The following ANO6 variants were observed in gnomAD, a reference collection of about 807,000 sequenced individuals.
The protein encoded by ANO6 is anoctamin 6.
Under a neutral mutation model 117.5 loss-of-function variants are expected in ANO6, and 106 were observed. That is an observed-to-expected ratio of 0.90 (90% confidence interval 0.77 to 1.06). The LOEUF (loss-of-function observed/expected upper bound fraction) is 1.06, where lower values mean the gene tolerates loss of function less well. Among genes scored for constraint, ANO6 ranks in the 50% least tolerant of loss-of-function variants. The probability of loss-of-function intolerance (pLI) is 0.00; values close to 1 mark genes in which losing one functional copy is unlikely to be tolerated. For missense variants in ANO6, 955 were observed against 1,121.1 expected (o/e 0.85, Z 2.12); for synonymous variants, 367 against 385.1 (o/e 0.95, Z 0.55).
rs560764644 is a variant in ANO6, at chr12:45,283,929, G to T, written c.71-18085G>T. On this transcript the variant is annotated intron_variant, in intron 1 of 19. Transcript: ENST00000320560. Reference sequence around the variant, plus strand: ...GCATCCATAAGGACATGGTTTAGGGGTGTCAAGGCCAAAGGAAAACTTCCC... The same window carrying T: ...GCATCCATAAGGACATGGTTTAGGGTTGTCAAGGCCAAAGGAAAACTTCCC... 8.7e-4 allele frequency among the ~76,000 whole-genome samples: 133 copies of T among 152,292 alleles called. 1 individual carries two copies. Among genetic ancestry groups the T allele is most frequent in the Admixed American group, 5.2e-4 (8 of 15,308 alleles).
chr12:45,239,024 A>T lies in ANO6; in HGVS notation c.70+22633A>T, dbSNP rs1439329734. 3.9e-5 allele frequency among the ~76,000 whole-genome samples: 6 copies of T among 152,322 alleles called. No homozygotes were observed. In the South Asian group the frequency reaches 1.0e-3, roughly 26 times the overall value. On this transcript the variant is annotated intron_variant, in intron 1 of 19. Transcript: ENST00000320560. ...TCTCTTTCTTTCTTGTATATCTGCCAGGCTTTGGTATCAGGATGATGCTGG... is the reference window on the plus strand; with the variant it reads ...TCTCTTTCTTTCTTGTATATCTGCCTGGCTTTGGTATCAGGATGATGCTGG...
At chr12:45,251,510 C>T (rs1024271191) in intron 1 of ANO6, among the ~76,000 whole-genome samples, 16 of 152,282 alleles carry the variant, frequency 1.1e-4, no homozygotes, top group Admixed American at 2.0e-4. Flanking sequence ...TCAGATGGGG[C>T]TGTACATTGG....
chr12:45,313,149 C>T (rs1033684083), intron 2 of ANO6: 1 of 152,018 alleles, frequency 6.6e-6, no homozygotes, highest in South Asian at 2.1e-4. Flanking sequence ...TGAGGTACTT[C>T]TGAGACTTTG....
In ANO6 at chr12:45,409,369, T is replaced by TC; in HGVS notation, c.1894dup (p.Leu632ProfsTer35). ...TTCTTTTTGGCAGCTGGATCATGAA[T>TC]CTAATTGGGCGATTTCACAGAGTTT... On this transcript the variant is annotated frameshift_variant, in exon 16 of 20. Coordinates refer to ENST00000320560, the MANE Select transcript of ANO6 (RefSeq NM_001025356.3). LOFTEE classifies it high-confidence loss of function. 2 of 1,614,008 alleles carry TC rather than the reference T, an allele frequency of 1.2e-6. No homozygotes were observed. The highest frequency in any genetic ancestry group is 1.7e-6 in the Non-Finnish European group (2 of 1,179,918).
chr12:45,406,295 A>G (rs1474142540), intron 15 of ANO6, among the ~76,000 whole-genome samples: 1 of 152,246 alleles, frequency 6.6e-6, no homozygotes, highest in Non-Finnish European at 1.5e-5. Flanking sequence ...TGAGACCCGG[A>G]GAGCAAGCTC....
intron 1 of ANO6, among the ~76,000 whole-genome samples, chr12:45,253,563 C>T (rs1435137189): frequency 6.6e-6 from 1 of 152,108 alleles, no homozygotes; most frequent in Admixed American, 6.5e-5. Context: ...TTCAAATGAA[C>T]AACCTCTTAC....
chr12:45,229,393 T>TG (rs1947538423), intron 1 of ANO6, among the ~76,000 whole-genome samples: 1 of 144,444 alleles, frequency 6.9e-6, no homozygotes, highest in South Asian at 2.2e-4. Context: ...ATTTTTAGTT[T>TG]TTTTTTTTTT....
chr12:45,228,404 G>T, intron 1 of ANO6: 1 of 232,224 alleles, frequency 4.3e-6, no homozygotes, highest in South Asian at 4.5e-5. Context: ...CTCTCAAAGT[G>T]CTGAGATTAC....
intron 1 of ANO6, among the ~76,000 whole-genome samples, chr12:45,225,827 A>C (rs1046413338): frequency 2.0e-5 from 3 of 152,190 alleles, no homozygotes; most frequent in Non-Finnish European, 2.9e-5. Context: ...AAGCTGTCTG[A>C]TTATAATGAA....
At chr12:45,264,428 C>G (rs1938147874) in intron 1 of ANO6, among the ~76,000 whole-genome samples, 1 of 152,122 alleles carries the variant, frequency 6.6e-6, no homozygotes, top group Non-Finnish European at 1.5e-5. Context: ...TCTGTTGACT[C>G]TGGTAAAAGT....
intron 1 of ANO6, among the ~76,000 whole-genome samples, chr12:45,270,140 G>A (rs1565656133): frequency 6.6e-6 from 1 of 152,224 alleles, no homozygotes; most frequent in African/African-American, 2.4e-5. Flanking sequence ...AGCCCTGGCT[G>A]CAGATTAGCA....
intron 7 of ANO6, among the ~76,000 whole-genome samples, chr12:45,354,570 G>C (rs775718438): frequency 3.3e-5 from 5 of 152,118 alleles, no homozygotes; most frequent in Non-Finnish European, 5.9e-5. Flanking sequence ...CAAGGTTGGA[G>C]GAGGTCTGAG....
chr12:45,242,456 A>G (rs922711108), intron 1 of ANO6, among the ~76,000 whole-genome samples: 3 of 152,254 alleles, frequency 2.0e-5, no homozygotes, highest in African/African-American at 2.4e-5. Flanking sequence ...TGGAGTGTCC[A>G]GTTTTTCCAG....
chr12:45,406,354 G>A (rs1942934839), intron 15 of ANO6, among the ~76,000 whole-genome samples: 2 of 152,194 alleles, frequency 1.3e-5, no homozygotes, highest in Non-Finnish European at 1.5e-5. Context: ...GATATTTAAG[G>A]TATTCCTGGG....
At position 45,401,836 on chromosome 12, in the gene ANO6, T is replaced by C. The variant is rs1942796658; in HGVS notation, c.1428T>C (p.Tyr476=). The change falls in exon 13 of 20, where the codon TAT becomes TAC. Residue 476 remains tyrosine (Y), a synonymous_variant. Coordinates refer to ENST00000320560, the MANE Select transcript of ANO6 (RefSeq NM_001025356.3). ...CTTCAGTTATTGGGATCATTGTCTA[T>C]AGGCTCTCGGTGTTCATTGTATTTT... The part of the protein sequence containing the change: ...IIASVIGIIV[Y]RLSVFIVFSA... 1 of 1,614,072 alleles carries C rather than the reference T, an allele frequency of 6.2e-7. No individual in the cohort carries two copies. The highest frequency in any genetic ancestry group is 8.5e-7 in the Non-Finnish European group (1 of 1,180,006).
intron 1 of ANO6, among the ~76,000 whole-genome samples, chr12:45,253,154 G>T (rs189849098): frequency 9.8e-5 from 15 of 152,324 alleles, no homozygotes; most frequent in Admixed American, 2.6e-4. Flanking sequence ...ATTGCAGGGA[G>T]CAGGGAACAT....
intron 1 of ANO6, among the ~76,000 whole-genome samples, chr12:45,237,003 T>A (rs1041653848): frequency 6.6e-6 from 1 of 152,186 alleles, no homozygotes; most frequent in African/African-American, 2.4e-5. Flanking sequence ...TTTTTCATGT[T>A]TCTGTTGGCT....
rs532306146 is a variant in ANO6 at position 45,320,419 on chromosome 12, T to G, written c.151-10876T>G. ...AGCAGGTTGTTCAGTTTCCATGTAG[T>G]TGAGCGGTTTTGAGTGAGTTTCTTA... On this transcript the variant is annotated intron_variant, in intron 2 of 19. Coordinates refer to ENST00000320560, the MANE Select transcript of ANO6 (RefSeq NM_001025356.3). Among the ~76,000 whole-genome samples the G allele has an allele frequency of 5.1e-4, 77 of 152,314 alleles. 2 individuals are homozygous for G. In the South Asian group the frequency reaches 0.016, roughly 32 times the overall value.
intron 1 of ANO6, among the ~76,000 whole-genome samples, chr12:45,227,758 G>T (rs998459713): frequency 8.5e-5 from 13 of 152,184 alleles, no homozygotes; most frequent in Admixed American, 5.9e-4. Flanking sequence ...CTCAATAGTG[G>T]TATTATGCCT....
Sources: gnomAD v4.1 joint callset for allele counts (sites outside exome capture counted in the v4.1 genomes callset) on GRCh38, gnomAD v4.1.1 for gene constraint, MANE v1.5 for transcripts, NCBI Gene and HGNC (gene_info 2026-07-23, HGNC 2026-07-21) for gene names.